AURKA: variants seen among roughly 807,000 people sequenced by gnomAD.
AURKA encodes aurora 2.
A neutral mutation model predicts 40.9 loss-of-function variants in AURKA; 12 were observed. The observed-to-expected ratio is 0.29, with a 90% CI of 0.19 to 0.48. The LOEUF is 0.48. Ranked by LOEUF, AURKA falls within the 20% of genes least tolerant of loss-of-function variation. AURKA has a pLI of 0.99. For synonymous variants in AURKA, 170 were observed against 164.3 expected (o/e 1.03, Z -0.26); for missense variants, 322 against 462.1 (o/e 0.70, Z 2.78).
chr20:56,378,174 T>C (rs930726638), intron 6 of AURKA, among the ~76,000 whole-genome samples: 2 of 151,894 alleles, frequency 1.3e-5, no homozygotes, highest in African/African-American at 2.4e-5. Context: ...CAAACAAAAA[T>C]CCAAAACACT....
At chr20:56,386,586 A>C in intron 2 of AURKA, 53 bp from the exon 3 acceptor site, 1 of 1,600,684 alleles carries the variant, frequency 6.2e-7, no homozygotes, top group Non-Finnish European at 8.6e-7. Context: ...CAAAAGATGA[A>C]TATATTGAGA....
intron 1 of AURKA, among the ~76,000 whole-genome samples, chr20:56,389,702 C>A (rs1011652784): frequency 1.3e-5 from 2 of 152,130 alleles, no homozygotes; most frequent in African/African-American, 2.4e-5. Context: ...AATCTCTCCC[C>A]ACTCTCACCT....
At chr20:56,381,052 G>A (rs1010070094) in intron 6 of AURKA, among the ~76,000 whole-genome samples, 1 of 152,010 alleles carries the variant, frequency 6.6e-6, no homozygotes, top group African/African-American at 2.4e-5. Context: ...GGAGGCTGAG[G>A]TGGAGAATCA....
At chr20:56,387,310 G>A (rs577063854) in intron 2 of AURKA, among the ~76,000 whole-genome samples, 3 of 152,140 alleles carry the variant, frequency 2.0e-5, no homozygotes, top group East Asian at 3.9e-4. Flanking sequence ...CTGCCACCAC[G>A]CCTGGCTAAT....
chr20:56,378,715 A>C (rs1985286798), intron 6 of AURKA, among the ~76,000 whole-genome samples: 1 of 152,228 alleles, frequency 6.6e-6, no homozygotes, highest in African/African-American at 2.4e-5. Flanking sequence ...GAAATGAACA[A>C]GCTCTCATGC....
chr20:56,370,985 C>A (rs1044128924), intron 7 of AURKA, among the ~76,000 whole-genome samples: 24 of 152,298 alleles, frequency 1.6e-4, no homozygotes, highest in African/African-American at 4.8e-4. Flanking sequence ...GATTCTACAT[C>A]TGCATGTGGA....
Position 56,378,253 on chromosome 20 carries a change from G to A in AURKA, c.705+3180C>T, listed in dbSNP as rs148107336. Among the ~76,000 whole-genome samples, 59 of 152,148 alleles carry A rather than the reference G, an allele frequency of 3.9e-4. 1 individual carries two copies. The East Asian group carries it at 0.011, about 29-fold the overall frequency. On this transcript the variant is annotated intron_variant, in intron 6 of 8. Transcript: ENST00000395915. Reference sequence around the variant, plus strand: ...TCATTGGTTCCGATACCACATTACCGTTGTATAATGGTATCAGAATTGTTA... The same window carrying A: ...TCATTGGTTCCGATACCACATTACCATTGTATAATGGTATCAGAATTGTTA...
At chr20:56,389,012 G>A (rs1986723091) in intron 1 of AURKA, among the ~76,000 whole-genome samples, 1 of 152,118 alleles carries the variant, frequency 6.6e-6, no homozygotes, top group Non-Finnish European at 1.5e-5. Context: ...ACCTACTGCT[G>A]CCAAACCCAA....
intron 7 of AURKA, among the ~76,000 whole-genome samples, chr20:56,372,726 A>G (rs1447137217): frequency 6.6e-6 from 1 of 152,178 alleles, no homozygotes; most frequent in African/African-American, 2.4e-5. Context: ...ACAAAACTTC[A>G]TCGGTAGATA....
At chr20:56,384,362 C>CAGG in intron 3 of AURKA, 38 bp from the exon 4 acceptor site, 3 of 1,465,952 alleles carry the variant, frequency 2.0e-6, no homozygotes, top group Non-Finnish European at 2.9e-6. Context: ...TTTAGAATAA[C>CAGG]TATATAGGAT....
Position 56,383,188 on chromosome 20 carries a change from T to C in AURKA, c.375-12A>G, listed in dbSNP as rs185572168. 21 of 1,613,926 alleles carry C rather than the reference T, an allele frequency of 1.3e-5. No individual in the cohort carries two copies. The highest frequency in any genetic ancestry group is 5.3e-5 in the African/African-American group (4 of 75,036). ...AAGCCCACTGCCTCCTAGGAGGAAT[T>C]TGAACACTTTAGAATGTGAAGAAAA... On this transcript the variant is annotated splice_polypyrimidine_tract_variant and intron_variant, in intron 4 of 8. Transcript: ENST00000395915.
intron 4 of AURKA, 86 bp downstream of exon 4, chr20:56,384,184 T>C (rs904316263): frequency 1.9e-5 from 20 of 1,055,462 alleles, no homozygotes; most frequent in Middle Eastern, 2.0e-4. Context: ...CCTCATTTTT[T>C]TCCCCAGAGT....
intron 7 of AURKA, among the ~76,000 whole-genome samples, chr20:56,371,707 T>G (rs973769403): frequency 1.3e-5 from 2 of 150,716 alleles, no homozygotes; most frequent in Admixed American, 6.6e-5. Context: ...ATACAAAGCA[T>G]GGGCTTTGGT....
At chr20:56,374,445 T>C (rs953328117) in intron 6 of AURKA, among the ~76,000 whole-genome samples, 1 of 152,180 alleles carries the variant, frequency 6.6e-6, no homozygotes, top group Non-Finnish European at 1.5e-5. Flanking sequence ...ACTTCAAGAA[T>C]ATCAGGAGAA....
At chr20:56,386,620 T>G in intron 2 of AURKA, 87 bp from the exon 3 acceptor site, 4 of 1,445,444 alleles carry the variant, frequency 2.8e-6, no homozygotes, top group Admixed American at 3.5e-5. Flanking sequence ...TGTTCTCTAG[T>G]ATAGCAAAAT....
Position 56,386,440 on chromosome 20 carries a change from G to A in AURKA, c.136C>T (p.Arg46Trp), listed in dbSNP as rs763087319. 8 of 1,614,062 alleles carry A rather than the reference G, an allele frequency of 5.0e-6. No individual in the cohort carries two copies. Among genetic ancestry groups the A allele is most frequent in the East Asian group, 2.2e-5 (1 of 44,892 alleles). ...GAAGAATTTGAAGGACACAAGACCC[G>A]CTGAGCCTGGCCACTATTTACAGGT... ...PLPVNSGQAQRVLCPSNSSQR... is the reference protein window; with the variant it reads ...PLPVNSGQAQWVLCPSNSSQR... The change falls in exon 3 of 9, where the codon CGG becomes TGG. Residue 46 changes from arginine to tryptophan, a missense_variant. By Grantham distance (101) the Arg-to-Trp change is moderately radical. Transcript: ENST00000395915.
rs998273227 is a variant in AURKA, at chr20:56,388,352, G to A, written c.-5-150C>T. 5.4e-6 allele frequency: 4 copies of A among 747,224 alleles called. No individual in the cohort carries two copies. In the African/African-American group the frequency reaches 7.0e-5, roughly 13 times the overall value. 46.3% of individuals were successfully genotyped at this position (747,224 alleles called of 1,614,324 possible). On this transcript the variant is annotated intron_variant, in intron 1 of 8. Coordinates refer to ENST00000395915, the MANE Select transcript of AURKA (RefSeq NM_198437.3). ...TTGTCCAAATGAAGCTAATGAGGGA[G>A]GGACAGGCATGTGCTTTCCCTGCAA...
At chr20:56,386,705 G>A (rs886922427) in intron 2 of AURKA, among the ~76,000 whole-genome samples, 172 bp from the exon 3 acceptor site, 1 of 152,146 alleles carries the variant, frequency 6.6e-6, no homozygotes, top group Non-Finnish European at 1.5e-5. Context: ...GTTAGTATGT[G>A]GCTAAGAATA....
chr20:56,370,759 C>T, intron 7 of AURKA, 100 bp from the exon 8 acceptor site: 1 of 1,315,000 alleles, frequency 7.6e-7, no homozygotes, highest in Non-Finnish European at 1.1e-6. Flanking sequence ...AGGTCTTCCC[C>T]TGGGCCAGAT....
Sources: gnomAD v4.1 joint callset for allele counts (sites outside exome capture counted in the v4.1 genomes callset) on GRCh38, gnomAD v4.1.1 for gene constraint, MANE v1.5 for transcripts, NCBI Gene and HGNC (gene_info 2026-07-23, HGNC 2026-07-21) for gene names.